Variants in VTI1A observed in about 807,000 individuals in gnomAD.
The protein encoded by VTI1A is vesicle transport through interaction with t-SNAREs 1A.
A neutral mutation model predicts 34.9 loss-of-function variants in VTI1A; 22 were observed. The ratio of observed to expected loss-of-function variants is 0.63; its 90% CI spans 0.45 to 0.90. VTI1A has a LOEUF of 0.90. Ranked by LOEUF, VTI1A falls within the 40% of genes least tolerant of loss-of-function variation. The pLI, the probability that VTI1A is intolerant of heterozygous loss-of-function variation, is 0.00. For missense variants in VTI1A, 268 were observed against 275.6 expected (o/e 0.97, Z 0.20); for synonymous variants, 87 against 97.3 (o/e 0.89, Z 0.62).
At chr10:112,828,214 A>G in the VTI1A span, among the ~76,000 whole-genome samples, 1 of 152,092 alleles carries the variant, frequency 6.6e-6, no homozygotes, top group Non-Finnish European at 1.5e-5. Flanking sequence ...GTTGGTGTTT[A>G]GGGTTTTTTG....
chr10:112,469,667 A>G (rs1020886464), intron 3 of VTI1A, among the ~76,000 whole-genome samples: 1 of 152,136 alleles, frequency 6.6e-6, no homozygotes, highest in African/African-American at 2.4e-5. Flanking sequence ...TCTCTCGCCT[A>G]TGTTTGTTTG....
intron 7 of VTI1A, among the ~76,000 whole-genome samples, chr10:112,798,780 G>A (rs944693206): frequency 6.6e-6 from 1 of 152,210 alleles, no homozygotes; most frequent in Non-Finnish European, 1.5e-5. Flanking sequence ...CAAATTGTAA[G>A]TAGAGGCAAC....
At chr10:112,485,512 C>T (rs1442658024) in intron 3 of VTI1A, among the ~76,000 whole-genome samples, 1 of 152,128 alleles carries the variant, frequency 6.6e-6, no homozygotes, top group African/African-American at 2.4e-5. Context: ...ATATGATTGT[C>T]AACTTTTTAT....
In VTI1A at chr10:112,664,920, C is replaced by T. The variant is rs375821631; in HGVS notation, c.428-3298C>T. ...CATCAGTTTTCATTGCCTTGTTATG[C>T]TTCCCATTGTTTCTTAATCTCAAGA... On this transcript the variant is annotated intron_variant, in intron 5 of 7. Coordinates refer to ENST00000393077, the MANE Select transcript of VTI1A (RefSeq NM_145206.4). Among the ~76,000 whole-genome samples the T allele has an allele frequency of 7.9e-5, 12 of 152,284 alleles. No individual in the cohort carries two copies. The East Asian group carries it at 1.9e-3, about 24-fold the overall frequency.
At chr10:112,497,273 G>A (rs1412414494) in intron 3 of VTI1A, among the ~76,000 whole-genome samples, 5 of 151,886 alleles carry the variant, frequency 3.3e-5, no homozygotes, top group South Asian at 2.1e-4. Flanking sequence ...AGCTGAGATC[G>A]TGCTACTGCA....
At chr10:112,795,854 G>A (rs369942965) in intron 7 of VTI1A, among the ~76,000 whole-genome samples, 4 of 151,920 alleles carry the variant, frequency 2.6e-5, no homozygotes, top group African/African-American at 9.7e-5. Flanking sequence ...AATAAGATAC[G>A]GTAATTCAAG....
intron 5 of VTI1A, among the ~76,000 whole-genome samples, chr10:112,540,137 T>C (rs918140745): frequency 2.0e-5 from 3 of 152,184 alleles, no homozygotes; most frequent in African/African-American, 7.2e-5. Flanking sequence ...TGTCTTTTTT[T>C]TCTTTCACTA....
the VTI1A span, among the ~76,000 whole-genome samples, chr10:112,847,969 A>G: frequency 6.6e-6 from 1 of 152,332 alleles, no homozygotes; most frequent in African/African-American, 2.4e-5. Context: ...GATAGAGCGG[A>G]AGAACCACCC....
intron 3 of VTI1A, among the ~76,000 whole-genome samples, chr10:112,511,893 A>G (rs931733847): frequency 1.3e-5 from 2 of 152,084 alleles, no homozygotes; most frequent in Non-Finnish European, 2.9e-5. Flanking sequence ...CAGATGACAT[A>G]TTTTCAATTG....
At chr10:112,667,793 G>A (rs534298358) in intron 5 of VTI1A, among the ~76,000 whole-genome samples, 1 of 152,264 alleles carries the variant, frequency 6.6e-6, no homozygotes, top group Non-Finnish European at 1.5e-5. Flanking sequence ...AATTAAAATT[G>A]TTCTAAATGG....
intron 3 of VTI1A, among the ~76,000 whole-genome samples, chr10:112,523,393 A>G (rs1020253040): frequency 6.6e-6 from 1 of 152,070 alleles, no homozygotes; most frequent in African/African-American, 2.4e-5. Context: ...TTGTGCATCT[A>G]ACTTCTTAGA....
At chr10:112,591,246 C>T (rs774597547) in intron 5 of VTI1A, among the ~76,000 whole-genome samples, 3 of 152,100 alleles carry the variant, frequency 2.0e-5, no homozygotes, top group South Asian at 2.1e-4. Context: ...GTTGACCGGG[C>T]GTGGTGGCTC....
intron 7 of VTI1A, chr10:112,736,941 G>A (rs1850503332): frequency 4.8e-6 from 3 of 622,504 alleles, no homozygotes; most frequent in Non-Finnish European, 8.7e-6. Context: ...CTATCAAAGG[G>A]GAAACTGACA....
intron 5 of VTI1A, among the ~76,000 whole-genome samples, chr10:112,642,963 C>CT (rs1358672405): frequency 7.3e-6 from 1 of 137,316 alleles, no homozygotes; most frequent in South Asian, 2.4e-4. Flanking sequence ...AGCATGTTTT[C>CT]TTTTTTTTCT....
At chr10:112,514,540 CTT>C (rs1849712286) in intron 3 of VTI1A, among the ~76,000 whole-genome samples, 1 of 151,164 alleles carries the variant, frequency 6.6e-6, no homozygotes, top group Admixed American at 6.6e-5. Context: ...CTTCTGCTAA[CTT>C]TGCGCTTAGT....
At position 112,782,316 on chromosome 10, in the gene VTI1A, C is replaced by T. The variant is rs148098628; in HGVS notation, c.561-32974C>T. ...CTGAGAGTGGAACACTAAAACCTCA[C>T]GCCGACTTGGAGGCCACACTGGAAA... On this transcript the variant is annotated intron_variant, in intron 7 of 7. Coordinates refer to ENST00000393077, the MANE Select transcript of VTI1A (RefSeq NM_145206.4). Among the ~76,000 whole-genome samples the T allele has an allele frequency of 5.8e-4, 88 of 152,360 alleles. 1 individual carries two copies. The highest frequency in any genetic ancestry group is 1.0e-3 in the Admixed American group (16 of 15,308).
the VTI1A span, among the ~76,000 whole-genome samples, chr10:112,838,081 G>A: frequency 6.6e-6 from 1 of 152,220 alleles, no homozygotes; most frequent in East Asian, 1.9e-4. Flanking sequence ...GAAGGCCCAG[G>A]CACACAGCTC....
At chr10:112,655,866 G>T (rs1045863287) in intron 5 of VTI1A, among the ~76,000 whole-genome samples, 4 of 152,118 alleles carry the variant, frequency 2.6e-5, no homozygotes, top group African/African-American at 9.7e-5. Flanking sequence ...CAATTAGTCA[G>T]CCTACAATAA....
At chr10:112,826,420 A>G in the VTI1A span, 1 of 152,200 alleles carries the variant, frequency 6.6e-6, no homozygotes, top group Admixed American at 6.5e-5. Flanking sequence ...TCTGCTCTAG[A>G]AATGAAGTCT....
Sources: allele counts gnomAD v4.1 joint callset (sites outside exome capture counted in the v4.1 genomes callset), GRCh38; gene constraint gnomAD v4.1.1; transcripts MANE v1.5; gene names NCBI Gene and HGNC (gene_info 2026-07-23, HGNC 2026-07-21).